CARD19: variants seen among roughly 807,000 people sequenced by gnomAD.
The protein encoded by CARD19 is caspase recruitment domain family member 19.
CARD19 carries 25 observed loss-of-function variants against 24.1 expected under a neutral mutation model. That is an observed-to-expected ratio of 1.04 (90% CI 0.76 to 1.45). The LOEUF is 1.45. Ranked by LOEUF, CARD19 falls within the 40% of genes most tolerant of loss-of-function variation. The pLI, the probability that CARD19 is intolerant of heterozygous loss-of-function variation, is 0.00. For synonymous variants in CARD19, 103 were observed against 104.9 expected (o/e 0.98, Z 0.11); for missense variants, 241 against 247.4 (o/e 0.97, Z 0.17).
At chr9:93,100,406 G>C (rs762794222) in intron 1 of CARD19, among the ~76,000 whole-genome samples, 28 of 152,200 alleles carry the variant, frequency 1.8e-4, no homozygotes, top group Non-Finnish European at 3.1e-4. Context: ...CGCCTCCCAG[G>C]TTAAACGATT....
intron 1 of CARD19, among the ~76,000 whole-genome samples, chr9:93,105,749 G>A (rs1827230057): frequency 6.6e-6 from 1 of 152,142 alleles, no homozygotes; most frequent in Non-Finnish European, 1.5e-5. Flanking sequence ...CTATCTTGGG[G>A]AATGTTTCAT....
At chr9:93,112,150 C>G (rs1564213261) in intron 4 of CARD19, 68 bp from the exon 5 acceptor site, 2 of 1,467,386 alleles carry the variant, frequency 1.4e-6, no homozygotes, top group South Asian at 2.4e-5. Context: ...CCCTGCGCAG[C>G]CCCCAGGCCT....
chr9:93,108,046 G>T (rs984303444), intron 2 of CARD19, among the ~76,000 whole-genome samples: 1 of 152,156 alleles, frequency 6.6e-6, no homozygotes, highest in African/African-American at 2.4e-5. Context: ...TCTGTGCCTC[G>T]GTTTCTTCAT....
chr9:93,110,801 G>A (rs899801242), intron 3 of CARD19, 80 bp downstream of exon 3: 24 of 1,543,724 alleles, frequency 1.6e-5, no homozygotes, highest in Non-Finnish European at 1.7e-6. Flanking sequence ...TGGCATGGAT[G>A]TCCTCCATGA....
intron 1 of CARD19, among the ~76,000 whole-genome samples, chr9:93,097,403 C>G (rs1248035898): frequency 6.6e-6 from 1 of 152,192 alleles, no homozygotes; most frequent in Admixed American, 6.5e-5. Context: ...CCCCTTTGTC[C>G]TCCCTTCTAA....
chr9:93,101,777 C>T (rs1324258429), intron 1 of CARD19, among the ~76,000 whole-genome samples: 1 of 151,844 alleles, frequency 6.6e-6, no homozygotes, highest in Non-Finnish European at 1.5e-5. Flanking sequence ...GAGGACCTGC[C>T]ATACTGTTTT....
Position 93,107,823 on chromosome 9 carries a change from AGGAGGTGAGG to A in CARD19, c.150+10_150+19del. The A allele has an allele frequency of 6.2e-7, 1 of 1,614,144 alleles. No individual in the cohort carries two copies. Among genetic ancestry groups the A allele is most frequent in the Non-Finnish European group, 8.5e-7 (1 of 1,180,018 alleles). On this transcript the variant is annotated splice_region_variant and intron_variant, in intron 2 of 5. Transcript: ENST00000375464. ...CAACAAGGAGGCGGAAAAGGTGCTG[AGGAGGTGAGG>A]GGGGTACCCGAGACACTGCTCAGTT...
rs1009579451 is a variant in CARD19, at chr9:93,111,939, G to A, written c.364+1G>A. 2 of 1,610,626 alleles carry A rather than the reference G, an allele frequency of 1.2e-6. No individual in the cohort carries two copies. Among genetic ancestry groups the A allele is most frequent in the Non-Finnish European group, 1.7e-6 (2 of 1,179,414 alleles). On this transcript the variant is annotated splice_donor_variant, in intron 4 of 5. Transcript: ENST00000375464. LOFTEE classifies it high-confidence loss of function. ...CAGAGCGGCGAGCTGAGTAACAGGG[G>A]TAACACCTCCCTGCTGCCCCTCCCT...
At chr9:93,106,842 AG>A (rs1827282661) in intron 1 of CARD19, among the ~76,000 whole-genome samples, 1 of 152,124 alleles carries the variant, frequency 6.6e-6, no homozygotes, top group Non-Finnish European at 1.5e-5. Flanking sequence ...ACAAGTATGT[AG>A]GGTGATGCAC....
chr9:93,099,610 T>C (rs2119061922), intron 1 of CARD19, among the ~76,000 whole-genome samples: 1 of 152,352 alleles, frequency 6.6e-6, no homozygotes, highest in Non-Finnish European at 1.5e-5. Context: ...TCTGTGAATT[T>C]TGGCTAATTC....
chr9:93,101,949 A>T (rs1167542775), intron 1 of CARD19, among the ~76,000 whole-genome samples: 1 of 143,788 alleles, frequency 7.0e-6, no homozygotes, highest in African/African-American at 2.5e-5. Flanking sequence ...TTAATGACTA[A>T]TGATGAGCAT....
rs571761685 is a variant in CARD19, at chr9:93,100,448, GA to G, written c.7+4097del. ...CCTTGGCCTCCCAAAGTGCTGGGAT[GA>G]CAGGCGTGAGCCACCGCGCCCAGCC... is the stretch of plus-strand genomic sequence containing the variant. On this transcript the variant is annotated intron_variant, in intron 1 of 5. Transcript: ENST00000375464. Among the ~76,000 whole-genome samples, 43 of 152,302 alleles carry G rather than the reference GA, an allele frequency of 2.8e-4. No homozygotes were observed. In the East Asian group the frequency reaches 6.6e-3, roughly 23 times the overall value.
chr9:93,111,993 A>C (rs1587654037), intron 4 of CARD19, 55 bp downstream of exon 4: 7 of 1,560,534 alleles, frequency 4.5e-6, no homozygotes, highest in Admixed American at 3.7e-5. Context: ...CTCTCTCTTT[A>C]CCCTCCCCAG....
intron 1 of CARD19, among the ~76,000 whole-genome samples, chr9:93,100,610 A>G (rs1462693339): frequency 6.6e-6 from 1 of 152,252 alleles, no homozygotes; most frequent in African/African-American, 2.4e-5. Context: ...TGTACACTTC[A>G]GTGATACTAA....
At position 93,111,957 on chromosome 9, in the gene CARD19, C is replaced by T. The variant is rs1379122724; in HGVS notation, c.364+19C>T. On this transcript the variant is annotated intron_variant, in intron 4 of 5. Coordinates refer to ENST00000375464, the MANE Select transcript of CARD19 (RefSeq NM_032310.5). ...AACAGGGGTAACACCTCCCTGCTGCCCCTCCCTCTCTCTCCCTCTCTCTCC... is the reference window on the plus strand; with the variant it reads ...AACAGGGGTAACACCTCCCTGCTGCTCCTCCCTCTCTCTCCCTCTCTCTCC... 5.0e-6 allele frequency: 8 copies of T among 1,605,692 alleles called. No homozygotes were observed. In the African/African-American group the frequency reaches 8.0e-5, roughly 16 times the overall value.
intron 1 of CARD19, among the ~76,000 whole-genome samples, chr9:93,107,286 G>A (rs1827298677): frequency 6.6e-6 from 1 of 152,220 alleles, no homozygotes; most frequent in Non-Finnish European, 1.5e-5. Flanking sequence ...CTGAGCCACC[G>A]TGCCTGGCCC....
chr9:93,104,296 G>C (rs1827176706), intron 1 of CARD19, among the ~76,000 whole-genome samples: 2 of 152,112 alleles, frequency 1.3e-5, no homozygotes, highest in Non-Finnish European at 2.9e-5. Context: ...ACAGAGACAA[G>C]GTCTTGCTGT....
At chr9:93,100,932 C>T (rs1827054646) in intron 1 of CARD19, among the ~76,000 whole-genome samples, 1 of 152,176 alleles carries the variant, frequency 6.6e-6, no homozygotes, top group Non-Finnish European at 1.5e-5. Context: ...AGTAATATTC[C>T]ATTGTACATA....
chr9:93,110,339 C>T, intron 2 of CARD19: 1 of 658,738 alleles, frequency 1.5e-6, no homozygotes, highest in Non-Finnish European at 2.4e-6. Context: ...GTTTCCCAAC[C>T]TCCCACCCCA....
Sources: allele counts gnomAD v4.1 joint callset (sites outside exome capture counted in the v4.1 genomes callset), GRCh38; gene constraint gnomAD v4.1.1; transcripts MANE v1.5; gene names NCBI Gene and HGNC (gene_info 2026-07-23, HGNC 2026-07-21).